The following RIMKLB variants were observed in gnomAD, a reference collection of about 807,000 sequenced individuals.
The protein encoded by RIMKLB is beta-citrylglutamate synthase B.
Under a neutral mutation model 32.0 loss-of-function variants are expected in RIMKLB, and 7 were observed. The ratio of observed to expected loss-of-function variants is 0.22; its 90% confidence interval spans 0.12 to 0.41. RIMKLB has a LOEUF of 0.41. Among genes scored for constraint, RIMKLB ranks in the 10% least tolerant of loss-of-function variants. The pLI is 1.00. For missense variants in RIMKLB, 289 were observed against 498.7 expected, an observed-to-expected ratio of 0.58 and a Z score of 4.00; for synonymous variants, 172 against 185.1, an observed-to-expected ratio of 0.93 and a Z score of 0.57.
At chr12:8,771,908 A>G (rs1425825885) in intron 5 of RIMKLB, among the ~76,000 whole-genome samples, 1 of 151,760 alleles carries the variant, frequency 6.6e-6, no homozygotes, top group Non-Finnish European at 1.5e-5. Flanking sequence ...TTTGTTTTTG[A>G]GATGGAGTCT....
chr12:8,709,571 C>T, intron 1 of RIMKLB, among the ~76,000 whole-genome samples: 1 of 152,216 alleles, frequency 6.6e-6, no homozygotes, highest in African/African-American at 2.4e-5. Context: ...AGGCAAGCAG[C>T]TGTTGCTGCA....
chr12:8,695,919 C>T (rs1203394044), upstream of RIMKLB, among the ~76,000 whole-genome samples: 2 of 152,068 alleles, frequency 1.3e-5, no homozygotes, highest in Non-Finnish European at 2.9e-5. Context: ...TCCAAAACTC[C>T]CGACCTCAGG....
chr12:8,702,270 C>T (rs965557467), intron 1 of RIMKLB, among the ~76,000 whole-genome samples: 34 of 152,148 alleles, frequency 2.2e-4, no homozygotes, highest in African/African-American at 8.0e-4. Flanking sequence ...ATCTGTCTAT[C>T]AGTTATCCGA....
At chr12:8,733,367 G>A (rs1946721862) in intron 2 of RIMKLB, among the ~76,000 whole-genome samples, 1 of 150,768 alleles carries the variant, frequency 6.6e-6, no homozygotes, top group African/African-American at 2.4e-5. Flanking sequence ...TCTTAACTCA[G>A]GATCTACTAT....
chr12:8,687,821 A>T (rs1034443092), intron 1 of RIMKLB, among the ~76,000 whole-genome samples: 12 of 87,906 alleles, frequency 1.4e-4, no homozygotes, highest in Non-Finnish European at 3.1e-4. Context: ...AGTCAGGAAG[A>T]AAAAAAAAAA....
intron 5 of RIMKLB, among the ~76,000 whole-genome samples, chr12:8,768,622 T>C (rs746421164): frequency 6.6e-6 from 1 of 152,242 alleles, no homozygotes; most frequent in Non-Finnish European, 1.5e-5. Flanking sequence ...TAAAGTAACA[T>C]TGGAATAAAG....
At chr12:8,704,576 T>C (rs778559433) in intron 1 of RIMKLB, among the ~76,000 whole-genome samples, 1 of 152,326 alleles carries the variant, frequency 6.6e-6, no homozygotes, top group East Asian at 1.9e-4. Context: ...CCCTAGTTTT[T>C]AAAAGTAAAC....
chr12:8,732,617 A>G (rs775370675), intron 2 of RIMKLB, among the ~76,000 whole-genome samples: 22 of 152,218 alleles, frequency 1.4e-4, no homozygotes, highest in Non-Finnish European at 3.1e-4. Flanking sequence ...TAACTATTGT[A>G]TGCGTATCCT....
At position 8,774,874 on chromosome 12, in the gene RIMKLB, A is replaced by G; in HGVS notation, c.*1090A>G. On this transcript the variant is annotated 3_prime_UTR_variant, in exon 6 of 6. Transcript: ENST00000535829. ...TTTTTCACATTTTACGAGGGAGTAT[A>G]TGTGTATGTGTGTGCACGCATGCAT... 2 of 985,636 alleles carry G rather than the reference A, an allele frequency of 2.0e-6. No individual in the cohort carries two copies. Among genetic ancestry groups the G allele is most frequent in the Non-Finnish European group, 2.4e-6 (2 of 829,860 alleles). 61.1% of individuals were successfully genotyped at this position (985,636 alleles called of 1,614,324 possible). A position where few individuals can be genotyped will look rare whatever the true frequency, so the allele number is the denominator to read the frequency against.
intron 2 of RIMKLB, among the ~76,000 whole-genome samples, chr12:8,716,624 T>A (rs1393347767): frequency 3.4e-5 from 5 of 149,222 alleles, no homozygotes; most frequent in Admixed American, 3.3e-4. Flanking sequence ...AGAAAGGAGA[T>A]CAGCTCTCCT....
intron 2 of RIMKLB, among the ~76,000 whole-genome samples, chr12:8,719,030 C>T (rs530536631): frequency 4.6e-5 from 7 of 152,090 alleles, no homozygotes; most frequent in Non-Finnish European, 8.8e-5. Flanking sequence ...CTGTTCATTC[C>T]TTTCTCTTTC....
At chr12:8,697,905 G>T (rs913176946), upstream of RIMKLB, 2 of 148,042 alleles carry the variant, frequency 1.4e-5, no homozygotes, top group African/African-American at 4.9e-5. Flanking sequence ...TCCTCAGCAA[G>T]CGGGCGGGCG....
chr12:8,678,329 T>G (rs1027371952), upstream of RIMKLB, among the ~76,000 whole-genome samples: 3 of 150,650 alleles, frequency 2.0e-5, no homozygotes, highest in African/African-American at 4.9e-5. Context: ...CTTTCTTTTT[T>G]TCTTTTCTTT....
At chr12:8,691,507 G>A (rs1469077920) in intron 1 of RIMKLB, among the ~76,000 whole-genome samples, 1 of 152,056 alleles carries the variant, frequency 6.6e-6, no homozygotes, top group African/African-American at 2.4e-5. Context: ...CTACTCCGGA[G>A]GATGAGGCAC....
rs150016941 is a variant in RIMKLB at position 8,773,285 on chromosome 12, G to C, written c.698-36G>C. 1.2e-3 allele frequency: 1,744 copies of C among 1,441,840 alleles called. 23 individuals carry two copies. In the African/African-American group the frequency reaches 0.021, roughly 17 times the overall value. 89.3% of individuals were successfully genotyped at this position (1,441,840 alleles called of 1,614,324 possible). On this transcript the variant is annotated intron_variant, in intron 5 of 5. Coordinates refer to ENST00000535829, the MANE Select transcript of RIMKLB (RefSeq NM_001297776.2). ...CTTTAATTTTATTTCAAAAGTTTATGATTTTGTTAATTTCCTGTCTTGTTT... is the reference window on the plus strand; with the variant it reads ...CTTTAATTTTATTTCAAAAGTTTATCATTTTGTTAATTTCCTGTCTTGTTT...
At chr12:8,692,370 G>GA (rs1565541127), upstream of RIMKLB, among the ~76,000 whole-genome samples, 15 of 152,204 alleles carry the variant, frequency 9.9e-5, no homozygotes, top group African/African-American at 3.1e-4. Context: ...AGATCATTTA[G>GA]TATGCTTATT....
intron 1 of RIMKLB, among the ~76,000 whole-genome samples, chr12:8,712,589 G>A (rs1944463878): frequency 6.6e-6 from 1 of 152,160 alleles, no homozygotes; most frequent in African/African-American, 2.4e-5. Flanking sequence ...TTGAGGCAGT[G>A]GATTGTGGGG....
chr12:8,782,517 A>G (rs1400175611), intron 7 of RIMKLB, among the ~76,000 whole-genome samples: 1 of 152,196 alleles, frequency 6.6e-6, no homozygotes, highest in Non-Finnish European at 1.5e-5. Context: ...TTAATTAAGT[A>G]GAAAATATTA....
At chr12:8,733,653 A>G (rs943760401) in intron 2 of RIMKLB, among the ~76,000 whole-genome samples, 6 of 152,200 alleles carry the variant, frequency 3.9e-5, no homozygotes, top group African/African-American at 1.4e-4. Flanking sequence ...CAGGAAGATC[A>G]TGTGAGGCCA....
Sources: gnomAD v4.1 joint callset for allele counts (sites outside exome capture counted in the v4.1 genomes callset) on GRCh38, gnomAD v4.1.1 for gene constraint, MANE v1.5 for transcripts, NCBI Gene and HGNC (gene_info 2026-07-23, HGNC 2026-07-21) for gene names.